NOL4: variants seen among roughly 807,000 people sequenced by gnomAD.
NOL4 encodes cancer/testis antigen 125.
NOL4 carries 17 observed loss-of-function variants against 75.9 expected under a neutral mutation model. That is an observed-to-expected ratio of 0.22 (90% CI 0.15 to 0.34). The LOEUF (loss-of-function observed/expected upper bound fraction) is 0.34. NOL4 is among the 10% of genes least tolerant of loss of function. The probability of loss-of-function intolerance (pLI) is 1.00; values close to 1 mark genes in which losing one functional copy is unlikely to be tolerated. For missense variants in NOL4, 614 were observed against 793.5 expected, an observed-to-expected ratio of 0.77 and a Z score of 2.72; for synonymous variants, 292 against 289.9, an observed-to-expected ratio of 1.01 and a Z score of -0.07.
At chr18:34,074,016 T>C (rs112375763) in intron 5 of NOL4, among the ~76,000 whole-genome samples, 4,202 of 151,156 alleles carry the variant, frequency 0.028, 89 homozygotes, top group Non-Finnish European at 0.044. Flanking sequence ...AATCAAGAAA[T>C]AGCAAAAACA....
At chr18:33,937,641 G>A (rs2068149591) in intron 9 of NOL4, among the ~76,000 whole-genome samples, 1 of 152,032 alleles carries the variant, frequency 6.6e-6, no homozygotes, top group Non-Finnish European at 1.5e-5. Context: ...TCTCTAGTTG[G>A]GCAAAGAGGG....
intron 1 of NOL4, among the ~76,000 whole-genome samples, chr18:34,140,428 A>T (rs2081093475): frequency 1.3e-5 from 2 of 152,110 alleles, no homozygotes. Flanking sequence ...CTTTACCATT[A>T]TGTAATGGCC....
chr18:33,998,006 A>G (rs2073417045), intron 6 of NOL4, among the ~76,000 whole-genome samples: 1 of 151,940 alleles, frequency 6.6e-6, no homozygotes, highest in Non-Finnish European at 1.5e-5. Flanking sequence ...ATAATATTCT[A>G]TGTTAAAGAA....
At chr18:33,963,985 G>A (rs1489433035) in intron 6 of NOL4, among the ~76,000 whole-genome samples, 1 of 152,130 alleles carries the variant, frequency 6.6e-6, no homozygotes. Flanking sequence ...TCCTCATTAT[G>A]TCCTAAATGA....
intron 1 of NOL4, among the ~76,000 whole-genome samples, chr18:34,134,639 T>A (rs528449010): frequency 4.6e-4 from 70 of 151,024 alleles, no homozygotes; most frequent in African/African-American, 1.5e-3. Context: ...ACTTAAAATT[T>A]AAAAAAAAAC....
chr18:33,999,117 CT>C (rs545231704), intron 6 of NOL4, among the ~76,000 whole-genome samples: 2 of 148,296 alleles, frequency 1.3e-5, no homozygotes. Context: ...TCCCTCAACA[CT>C]TTTTTTTGAT....
At chr18:34,057,720 A>T (rs1206435019) in intron 5 of NOL4, among the ~76,000 whole-genome samples, 1 of 152,214 alleles carries the variant, frequency 6.6e-6, no homozygotes, top group Non-Finnish European at 1.5e-5. Context: ...CACTTGAAAG[A>T]TTTTGAGGGT....
chr18:33,972,260 T>C, intron 6 of NOL4, among the ~76,000 whole-genome samples: 1 of 151,496 alleles, frequency 6.6e-6, no homozygotes, highest in Non-Finnish European at 1.5e-5. Context: ...TGTATAAAAA[T>C]GCCTGCAACT....
At chr18:34,207,439 T>C (rs544148361) in intron 1 of NOL4, among the ~76,000 whole-genome samples, 1 of 152,330 alleles carries the variant, frequency 6.6e-6, no homozygotes, top group African/African-American at 2.4e-5. Context: ...TTTTTAAATT[T>C]TGATATGTTT....
chr18:34,215,756 G>C (rs2036843256), intron 1 of NOL4, among the ~76,000 whole-genome samples: 1 of 152,034 alleles, frequency 6.6e-6, no homozygotes, highest in African/African-American at 2.4e-5. Flanking sequence ...AACAACCTGG[G>C]GTTAGGTGTA....
At chr18:33,862,680 T>C (rs1012090866) in intron 10 of NOL4, among the ~76,000 whole-genome samples, 2 of 152,190 alleles carry the variant, frequency 1.3e-5, no homozygotes, top group South Asian at 4.1e-4. Flanking sequence ...ATGCTCACCA[T>C]CACTGGCCAT....
At chr18:34,140,288 C>A (rs1040506587) in intron 1 of NOL4, among the ~76,000 whole-genome samples, 2 of 152,140 alleles carry the variant, frequency 1.3e-5, no homozygotes, top group African/African-American at 4.8e-5. Flanking sequence ...GTGTTAAATT[C>A]TCCAACTATT....
At chr18:34,040,624 G>A (rs1230320749) in intron 5 of NOL4, among the ~76,000 whole-genome samples, 2 of 152,076 alleles carry the variant, frequency 1.3e-5, no homozygotes, top group South Asian at 2.1e-4. Context: ...TCTGAGATAC[G>A]AACAGAGATA....
At chr18:33,932,912 A>T (rs950814306) in intron 9 of NOL4, among the ~76,000 whole-genome samples, 6 of 152,034 alleles carry the variant, frequency 3.9e-5, no homozygotes, top group Non-Finnish European at 8.8e-5. Flanking sequence ...CTGTGCTGTT[A>T]TTGACATTAT....
chr18:33,859,094 C>A (rs867846474), intron 10 of NOL4, among the ~76,000 whole-genome samples: 1 of 151,876 alleles, frequency 6.6e-6, no homozygotes. Context: ...TTCCCTATTG[C>A]TTCTTTGATT....
rs193142570 is a variant in NOL4 at position 34,076,505 on chromosome 18, G to C, written c.772+16960C>G. 2.0e-3 allele frequency among the ~76,000 whole-genome samples: 298 copies of C among 152,246 alleles called. 4 individuals carry two copies. Among genetic ancestry groups the C allele is most frequent in the Non-Finnish European group, 1.5e-3 (105 of 68,008 alleles). ...AAGTTACCCTTAGACTTGAAAGAAC[G>C]ATGAAAATGATATTCCTACTAAGCT... On this transcript the variant is annotated intron_variant, in intron 5 of 10. Coordinates refer to ENST00000261592, the MANE Select transcript of NOL4 (RefSeq NM_003787.5).
chr18:33,895,337 T>C (rs1230143709), intron 9 of NOL4, among the ~76,000 whole-genome samples: 1 of 152,060 alleles, frequency 6.6e-6, no homozygotes, highest in Non-Finnish European at 1.5e-5. Context: ...AAAGTAAAAA[T>C]GGAGACTCAA....
chr18:34,195,118 A>T lies in NOL4; in HGVS notation c.264+27872T>A, dbSNP rs184878150. 2.0e-5 allele frequency among the ~76,000 whole-genome samples: 3 copies of T among 152,292 alleles called. No homozygotes were observed. In the East Asian group the frequency reaches 5.8e-4, roughly 29 times the overall value. ...TTTTTAAGAGCTATTTAACATACAGATATTTTACTTACTCCAACCCACTTA... is the reference window on the plus strand; with the variant it reads ...TTTTTAAGAGCTATTTAACATACAGTTATTTTACTTACTCCAACCCACTTA... On this transcript the variant is annotated intron_variant, in intron 1 of 10. Transcript: ENST00000261592.
intron 5 of NOL4, among the ~76,000 whole-genome samples, chr18:34,067,070 T>A (rs372012284): frequency 2.0e-5 from 3 of 152,144 alleles, no homozygotes; most frequent in African/African-American, 7.2e-5. Flanking sequence ...ATAAACAAAA[T>A]ACTAAAGTAA....
Sources: allele counts gnomAD v4.1 joint callset (sites outside exome capture counted in the v4.1 genomes callset), GRCh38; gene constraint gnomAD v4.1.1; transcripts MANE v1.5; gene names NCBI Gene and HGNC (gene_info 2026-07-23, HGNC 2026-07-21).